The following NXPE2 variants were observed in gnomAD, a reference collection of about 807,000 sequenced individuals.
NXPE2 encodes neurexophilin and PC-esterase domain family member 2.
NXPE2 carries 34 observed loss-of-function variants against 34.4 expected under a neutral mutation model. That is an observed-to-expected ratio of 0.99 (90% confidence interval 0.75 to 1.31). The LOEUF (loss-of-function observed/expected upper bound fraction) is 1.31. Ranked by LOEUF, NXPE2 falls within the 40% of genes most tolerant of loss-of-function variation. The pLI is 0.00. For missense variants in NXPE2, 649 were observed against 672.5 expected, an observed-to-expected ratio of 0.97 and a Z score of 0.39; for synonymous variants, 235 against 231.3, an observed-to-expected ratio of 1.02 and a Z score of -0.15.
At chr11:114,765,161 T>G in the NXPE2 span, among the ~76,000 whole-genome samples, 1 of 152,222 alleles carries the variant, frequency 6.6e-6, no homozygotes, top group South Asian at 2.1e-4. Context: ...GGTGAACTCT[T>G]TAAGCTGATG....
the NXPE2 span, among the ~76,000 whole-genome samples, chr11:114,809,040 T>C: frequency 1.3e-5 from 2 of 152,296 alleles, no homozygotes; most frequent in Non-Finnish European, 2.9e-5. Context: ...TGGTTCAACA[T>C]ACACAAATCA....
chr11:114,729,424 C>G, the NXPE2 span, among the ~76,000 whole-genome samples: 2 of 151,864 alleles, frequency 1.3e-5, no homozygotes, highest in African/African-American at 4.8e-5. Flanking sequence ...AGATATATAC[C>G]CAGTAATGGC....
At chr11:114,508,383 GA>G in the NXPE2 span, among the ~76,000 whole-genome samples, 1 of 152,148 alleles carries the variant, frequency 6.6e-6, no homozygotes, top group Non-Finnish European at 1.5e-5. Flanking sequence ...CACAGAACTA[GA>G]AAAAACTATT....
At position 114,703,973 on chromosome 11, in the gene NXPE2, T is replaced by C; in HGVS notation, c.867-18T>C. On this transcript the variant is annotated intron_variant, in intron 3 of 5. Transcript: ENST00000389586. ...TCTGGGCAGATATTAAGCTAATTTATTTTCCCATTTCTTGCAGGTCCAACA... is the reference window on the plus strand; with the variant it reads ...TCTGGGCAGATATTAAGCTAATTTACTTTCCCATTTCTTGCAGGTCCAACA... 1 of 1,541,182 alleles carries C rather than the reference T, an allele frequency of 6.5e-7. No homozygotes were observed. The highest frequency in any genetic ancestry group is 8.8e-7 in the Non-Finnish European group (1 of 1,137,140).
At chr11:114,807,319 A>G in the NXPE2 span, among the ~76,000 whole-genome samples, 1 of 152,228 alleles carries the variant, frequency 6.6e-6, no homozygotes, top group East Asian at 1.9e-4. Flanking sequence ...TCATAATGAC[A>G]GGATCAAATT....
At chr11:114,796,210 A>G in the NXPE2 span, among the ~76,000 whole-genome samples, 1 of 152,334 alleles carries the variant, frequency 6.6e-6, no homozygotes, top group African/African-American at 2.4e-5. Flanking sequence ...CAGGGTATAC[A>G]TGTAGAGATT....
chr11:114,598,357 G>A, the NXPE2 span, among the ~76,000 whole-genome samples: 1 of 95,824 alleles, frequency 1.0e-5, no homozygotes, highest in Admixed American at 1.0e-4. Flanking sequence ...CCATTCTGGG[G>A]TCTGGAGGAT....
At chr11:114,785,071 G>A in the NXPE2 span, among the ~76,000 whole-genome samples, 3 of 152,088 alleles carry the variant, frequency 2.0e-5, no homozygotes, top group African/African-American at 7.2e-5. Context: ...TCTGCCCTGT[G>A]ATCTCGTATT....
At chr11:114,516,040 G>A in the NXPE2 span, among the ~76,000 whole-genome samples, 1 of 152,196 alleles carries the variant, frequency 6.6e-6, no homozygotes, top group Non-Finnish European at 1.5e-5. Flanking sequence ...AGGCAATTAA[G>A]CAAGAAGATG....
chr11:114,697,890 T>C (rs1186754255), intron 2 of NXPE2, among the ~76,000 whole-genome samples, 155 bp from the exon 3 acceptor site: 1 of 152,214 alleles, frequency 6.6e-6, no homozygotes, highest in Non-Finnish European at 1.5e-5. Context: ...ATGGAAACCA[T>C]TTCTGAAGAT....
At chr11:114,751,832 G>A in the NXPE2 span, among the ~76,000 whole-genome samples, 2 of 152,150 alleles carry the variant, frequency 1.3e-5, no homozygotes, top group African/African-American at 2.4e-5. Context: ...AATCATGAGG[G>A]TCTTTACAAA....
the NXPE2 span, among the ~76,000 whole-genome samples, chr11:114,464,363 G>T: frequency 1.3e-5 from 2 of 152,112 alleles, no homozygotes; most frequent in East Asian, 1.9e-4. Context: ...TGGCAAGTTA[G>T]TTGAATATGA....
chr11:114,761,826 G>A, the NXPE2 span, among the ~76,000 whole-genome samples: 1 of 150,754 alleles, frequency 6.6e-6, no homozygotes, highest in Admixed American at 6.6e-5. Context: ...CACCCGCCTC[G>A]GCCTCCCAAA....
the NXPE2 span, chr11:114,522,489 C>G: frequency 5.0e-6 from 8 of 1,593,494 alleles, no homozygotes; most frequent in Admixed American, 1.2e-4. Flanking sequence ...TCATGAAGAT[C>G]AAAAAACTTC....
chr11:114,663,451 A>G, the NXPE2 span, among the ~76,000 whole-genome samples: 4 of 152,094 alleles, frequency 2.6e-5, no homozygotes, highest in Non-Finnish European at 5.9e-5. Flanking sequence ...GTTGTCTTAG[A>G]AGGACATGGT....
the NXPE2 span, among the ~76,000 whole-genome samples, chr11:114,485,275 C>T: frequency 6.6e-6 from 1 of 151,490 alleles, no homozygotes; most frequent in East Asian, 1.9e-4. Flanking sequence ...GTGGCACGAT[C>T]TTGGCTCACT....
chr11:114,705,690 A>G (rs929257000), intron 4 of NXPE2, 91 bp from the exon 5 acceptor site: 55 of 717,136 alleles, frequency 7.7e-5, no homozygotes, highest in Non-Finnish European at 1.7e-5. Flanking sequence ...GGGGGAGGAA[A>G]AAGAGGAAAA....
At chr11:114,675,465 A>T (rs1011129821), upstream of NXPE2, among the ~76,000 whole-genome samples, 1 of 151,912 alleles carries the variant, frequency 6.6e-6, no homozygotes, top group Non-Finnish European at 1.5e-5. Flanking sequence ...AAGTTGCAGG[A>T]TACAAAATTC....
At chr11:114,548,083 A>T in the NXPE2 span, among the ~76,000 whole-genome samples, 2 of 152,188 alleles carry the variant, frequency 1.3e-5, no homozygotes, top group African/African-American at 2.4e-5. Context: ...CATAACCAAA[A>T]AAGTATTAAG....
Sources: allele counts gnomAD v4.1 joint callset (sites outside exome capture counted in the v4.1 genomes callset), GRCh38; gene constraint gnomAD v4.1.1; transcripts MANE v1.5; gene names NCBI Gene and HGNC (gene_info 2026-07-23, HGNC 2026-07-21).